The following HYDIN variants were observed in gnomAD, a reference collection of about 807,000 sequenced individuals.
HYDIN encodes axonemal central pair apparatus protein HYDIN.
A neutral mutation model predicts 403.9 loss-of-function variants in HYDIN; 132 were observed. The ratio of observed to expected loss-of-function variants is 0.33; its 90% CI spans 0.28 to 0.38. The LOEUF (loss-of-function observed/expected upper bound fraction) is 0.38. Ranked by LOEUF, HYDIN falls within the 10% of genes least tolerant of loss-of-function variation. The pLI is 1.00. For synonymous variants in HYDIN, 1,202 were observed against 1,891.7 expected, an observed-to-expected ratio of 0.64 and a Z score of 9.46; for missense variants, 2,827 against 5,009.5, an observed-to-expected ratio of 0.56 and a Z score of 13.15.
At chr16:70,908,903 T>A in intron 47 of HYDIN, 42 bp from the exon 48 acceptor site, 1 of 1,606,304 alleles carries the variant, frequency 6.2e-7, no homozygotes, top group East Asian at 2.2e-5. Context: ...ATTCACTTTT[T>A]GTACACACAA....
At chr16:71,224,722 C>T (rs559795202) in intron 1 of HYDIN, among the ~76,000 whole-genome samples, 96 of 151,214 alleles carry the variant, frequency 6.3e-4, no homozygotes, top group South Asian at 5.7e-3. Context: ...CCACTACGCC[C>T]GGCTAATTTT....
chr16:70,841,747 G>A (rs530734603), intron 75 of HYDIN, among the ~76,000 whole-genome samples: 29 of 151,850 alleles, frequency 1.9e-4, no homozygotes, highest in East Asian at 5.8e-4. Flanking sequence ...CTTTCTTCCC[G>A]TAACCATTGC....
intron 64 of HYDIN, among the ~76,000 whole-genome samples, chr16:70,872,629 C>T (rs1308278847): frequency 2.2e-5 from 3 of 137,022 alleles, no homozygotes; most frequent in Non-Finnish European, 4.7e-5. Flanking sequence ...CACCCATCAT[C>T]CATCCACCCT....
chr16:70,866,450 T>A lies in HYDIN; in HGVS notation c.11311-121A>T, dbSNP rs558843714. ...ATATATAAAATTTAGGTACACTATG[T>A]GACAATAAAGTCCTGGTGGATCACT... On this transcript the variant is annotated intron_variant, in intron 66 of 85. Coordinates refer to ENST00000393567, the MANE Select transcript of HYDIN (RefSeq NM_001270974.2). The A allele has an allele frequency of 5.0e-5, 43 of 864,116 alleles. No homozygotes were observed. The South Asian group carries it at 7.1e-4, about 14-fold the overall frequency. 53.5% of individuals were successfully genotyped at this position (864,116 alleles called of 1,614,324 possible). A position where few individuals can be genotyped will look rare whatever the true frequency, so the allele number is the denominator to read the frequency against.
At chr16:71,019,376 A>T (rs2080386658) in intron 22 of HYDIN, among the ~76,000 whole-genome samples, 1 of 152,288 alleles carries the variant, frequency 6.6e-6, no homozygotes, top group Non-Finnish European at 1.5e-5. Flanking sequence ...GCATTTAATG[A>T]CATGATTAGA....
At chr16:71,099,899 A>G (rs2083403523) in intron 10 of HYDIN, among the ~76,000 whole-genome samples, 1 of 152,176 alleles carries the variant, frequency 6.6e-6, no homozygotes, top group South Asian at 2.1e-4. Flanking sequence ...GCTATTTGGG[A>G]GGCTGAGGCA....
At chr16:71,216,187 T>TCA (rs1169940165) in intron 1 of HYDIN, among the ~76,000 whole-genome samples, 3 of 152,230 alleles carry the variant, frequency 2.0e-5, no homozygotes, top group African/African-American at 7.2e-5. Flanking sequence ...GCAGTGTTAT[T>TCA]CATAATAGTG....
At chr16:70,815,323 C>T (rs941666880) in intron 84 of HYDIN, among the ~76,000 whole-genome samples, 1 of 146,346 alleles carries the variant, frequency 6.8e-6, no homozygotes, top group Non-Finnish European at 1.5e-5. Context: ...GGGAGGATCA[C>T]CTGAGCCTGG....
intron 62 of HYDIN, among the ~76,000 whole-genome samples, chr16:70,878,053 C>G (rs1343570061): frequency 6.6e-6 from 1 of 152,182 alleles, no homozygotes; most frequent in Non-Finnish European, 1.5e-5. Context: ...CAAGTCTCAT[C>G]TTGAATTGTA....
Position 70,889,620 on chromosome 16 carries a change from G to A in HYDIN, c.9741C>T (p.Asp3247=), listed in dbSNP as rs1348175675. The change falls in exon 58 of 86, where the codon GAC becomes GAT. Residue 3247 remains aspartate, a synonymous_variant. Transcript: ENST00000393567. ...TGGTGGTTACTTCTTTCTGAATCGT[G>A]TCAGAGAACTTGGCTGCTCTGGAAG... ...TGSSRAAKFS[D]TIQKEVTTTG... is the part of the protein sequence containing the mutation. 6.4e-6 allele frequency: 4 copies of A among 627,924 alleles called. No homozygotes were observed. Among genetic ancestry groups the A allele is most frequent in the Non-Finnish European group, 1.1e-5 (4 of 364,708 alleles). The allele number at this position is 627,924 out of a possible 1,614,324, so 38.9% of individuals were successfully genotyped here.
At chr16:70,814,044 G>T (rs1231528956) in intron 84 of HYDIN, among the ~76,000 whole-genome samples, 2 of 148,246 alleles carry the variant, frequency 1.3e-5, no homozygotes, top group African/African-American at 4.9e-5. Flanking sequence ...AGTAAAAACA[G>T]TATGAGACAA....
Position 70,908,872 on chromosome 16 carries a change from A to G in HYDIN, c.8005-11T>C. Reference sequence around the variant, plus strand: ...CTGCTCCTCTTGAGCCTTAATTAAAAACGAGCATGAGGTCTTAAATATTCA... The same window carrying G: ...CTGCTCCTCTTGAGCCTTAATTAAAGACGAGCATGAGGTCTTAAATATTCA... On this transcript the variant is annotated splice_polypyrimidine_tract_variant and intron_variant, in intron 47 of 85. Coordinates refer to ENST00000393567, the MANE Select transcript of HYDIN (RefSeq NM_001270974.2). 6.2e-7 allele frequency: 1 copy of G among 1,610,026 alleles called. No individual in the cohort carries two copies. Among genetic ancestry groups the G allele is most frequent in the Middle Eastern group, 1.7e-4 (1 of 6,036 alleles).
At chr16:70,942,766 G>A (rs1254303694) in intron 42 of HYDIN, among the ~76,000 whole-genome samples, 1 of 152,160 alleles carries the variant, frequency 6.6e-6, no homozygotes, top group Non-Finnish European at 1.5e-5. Context: ...AAACTTTGTA[G>A]CAAGACTTTG....
chr16:70,861,354 G>C (rs1253340129), intron 69 of HYDIN, among the ~76,000 whole-genome samples: 1 of 152,008 alleles, frequency 6.6e-6, no homozygotes, highest in African/African-American at 2.4e-5. Context: ...ATGACTGCAG[G>C]AGGTCAAGGA....
chr16:70,818,311 C>T, intron 84 of HYDIN, 31 bp downstream of exon 84: 1 of 1,515,022 alleles, frequency 6.6e-7, no homozygotes, highest in Non-Finnish European at 9.1e-7. Flanking sequence ...TCACAGCTCT[C>T]AGGGAGCCCC....
At chr16:70,930,706 G>A (rs1157520598) in intron 45 of HYDIN, among the ~76,000 whole-genome samples, 1 of 152,118 alleles carries the variant, frequency 6.6e-6, no homozygotes, top group Non-Finnish European at 1.5e-5. Context: ...TGTAATTAAG[G>A]TCTAAAGAAT....
intron 45 of HYDIN, among the ~76,000 whole-genome samples, chr16:70,929,524 A>C (rs371342299): frequency 6.6e-6 from 1 of 151,880 alleles, no homozygotes; most frequent in African/African-American, 2.4e-5. Context: ...TTGAGTTTCC[A>C]GACTGACAGG....
chr16:71,029,637 C>T (rs1328197948), intron 19 of HYDIN, among the ~76,000 whole-genome samples: 1 of 128,392 alleles, frequency 7.8e-6, no homozygotes, highest in African/African-American at 3.0e-5. Flanking sequence ...AATAGACAGG[C>T]AGAGAGGACA....
At chr16:70,923,647 C>CAAAAAAAAAAAAAAA in intron 45 of HYDIN, among the ~76,000 whole-genome samples, 1 of 69,310 alleles carries the variant, frequency 1.4e-5, no homozygotes, top group Non-Finnish European at 2.6e-5. Context: ...CTAAAAAATA[C>CAAAAAAAAAAAAAAA]AAAAAAAAAA....
Sources: gnomAD v4.1 joint callset for allele counts (sites outside exome capture counted in the v4.1 genomes callset) on GRCh38, gnomAD v4.1.1 for gene constraint, MANE v1.5 for transcripts, NCBI Gene and HGNC (gene_info 2026-07-23, HGNC 2026-07-21) for gene names.